The following EPHA2 variants were observed in gnomAD, a reference collection of about 807,000 sequenced individuals.
The protein encoded by EPHA2 is ephrin type-A receptor 2.
A neutral mutation model predicts 104.9 loss-of-function variants in EPHA2; 54 were observed. The observed-to-expected ratio is 0.51, with a 90% CI of 0.41 to 0.65. The LOEUF is 0.65. Ranked by LOEUF, EPHA2 falls within the 30% of genes least tolerant of loss-of-function variation. EPHA2 has a pLI of 0.00. For synonymous variants in EPHA2, 560 were observed against 559.1 expected (o/e 1.00, Z -0.02); for missense variants, 1,117 against 1,369.5 (o/e 0.82, Z 2.91).
At chr1:16,140,489 G>A (rs906657049) in intron 3 of EPHA2, among the ~76,000 whole-genome samples, 7 of 152,178 alleles carry the variant, frequency 4.6e-5, no homozygotes, top group South Asian at 2.1e-4. Flanking sequence ...ATTAGCGCTG[G>A]TTCCACTTTG....
rs184009125 is a variant in EPHA2, at chr1:16,134,717, G to A, written c.1583-150C>T. The A allele has an allele frequency of 2.4e-3, 2,180 of 918,832 alleles. 46 individuals carry two copies. The highest frequency in any genetic ancestry group is 3.9e-4 in the Non-Finnish European group (225 of 576,256). The allele number at this position is 918,832 out of a possible 1,614,324, so 56.9% of individuals were successfully genotyped here. On this transcript the variant is annotated intron_variant, in intron 7 of 16. Transcript: ENST00000358432. This position sits in a 1 kb window ranked among gnomAD's most constrained non-coding sequence, Gnocchi z 4.5. ...GGGTACTTAGTCCCATTTCATAGAC[G>A]GTCAAGCGGAGGCCTTCCCGAAGGT... is the stretch of plus-strand genomic sequence containing the variant.
At chr1:16,152,435 C>A (rs1479582509) in intron 1 of EPHA2, among the ~76,000 whole-genome samples, 1 of 150,098 alleles carries the variant, frequency 6.7e-6, no homozygotes, top group Non-Finnish European at 1.5e-5. Flanking sequence ...GCAGCCCAGA[C>A]AGGCAAGAGG....
chr1:16,133,346 C>G lies in EPHA2; in HGVS notation c.1887G>C (p.Lys629Asn). 2.5e-6 allele frequency: 4 copies of G among 1,613,854 alleles called. No homozygotes were observed. The highest frequency in any genetic ancestry group is 3.4e-6 in the Non-Finnish European group (4 of 1,179,966). Residue 629 changes from lysine (K) to asparagine (N), a missense_variant, in exon 11 of 17, where the codon AAG becomes AAC. Physicochemically the swap from Lys to Asn is moderately conservative, Grantham distance 94 (BLOSUM62 0). This residue lies in a region of EPHA2 where 113 missense variants were observed against 104.3 expected (regional missense o/e 1.08). Transcript: ENST00000358432. ...IGAGEFGEVY[K>N]GMLKTSSGKK... ...TCCCCGAGGATGTCTTCAGCATGCC[C>G]TTGTACACCTCCCCAAACTCTCCTG...
intron 1 of EPHA2, among the ~76,000 whole-genome samples, chr1:16,154,496 G>A (rs1208040733): frequency 6.6e-6 from 1 of 152,126 alleles, no homozygotes; most frequent in East Asian, 1.9e-4. Flanking sequence ...GCTCATGCCT[G>A]TAATCGCAGC....
Position 16,138,299 on chromosome 1 carries a change from C to T in EPHA2, c.955G>A (p.Asp319Asn). The T allele has an allele frequency of 1.9e-6, 3 of 1,613,568 alleles. No individual in the cohort carries two copies. Among genetic ancestry groups the T allele is most frequent in the Non-Finnish European group, 2.5e-6 (3 of 1,179,884 alleles). ...CEEGFFRAPQ[D>N]PASMPCTRPP... ...CGTGTGCAAGGCATCGACGCTGGGT[C>T]CTGAGGTGCCCGGAAGAAGCCTTCC... Residue 319 changes from aspartate to asparagine, a missense_variant, in exon 4 of 17, where the codon GAC becomes AAC. Coordinates refer to ENST00000358432, the MANE Select transcript of EPHA2 (RefSeq NM_004431.5).
chr1:16,140,928 T>A (rs2024813467), intron 3 of EPHA2, among the ~76,000 whole-genome samples: 2 of 151,664 alleles, frequency 1.3e-5, no homozygotes. Flanking sequence ...ACGGGGTGTG[T>A]CTTTGTTGCC....
intron 1 of EPHA2, 56 bp downstream of exon 1, chr1:16,155,792 G>T: frequency 7.7e-7 from 1 of 1,293,146 alleles, no homozygotes; most frequent in Non-Finnish European, 1.0e-6. Flanking sequence ...GGAGCGCCGG[G>T]CTCTAGGGGG....
intron 2 of EPHA2, among the ~76,000 whole-genome samples, chr1:16,149,814 A>G (rs572863502): frequency 3.5e-4 from 53 of 152,326 alleles, no homozygotes; most frequent in East Asian, 7.7e-4. Flanking sequence ...CTCCTCAGCC[A>G]GAGTCTGCAT....
chr1:16,148,169 C>A lies in EPHA2; in HGVS notation c.823+209G>T, dbSNP rs2024966783. On this transcript the variant is annotated intron_variant, in intron 3 of 16. Transcript: ENST00000358432. The surrounding 1 kb of genome is among the most constrained non-coding windows in gnomAD (Gnocchi z 4.9). ...GGGATTACAGGCATGAGCCACCGTGCCCAGCCACAATTCATTCATTCTTAA... is the reference window on the plus strand; with the variant it reads ...GGGATTACAGGCATGAGCCACCGTGACCAGCCACAATTCATTCATTCTTAA... Among the ~76,000 whole-genome samples the A allele has an allele frequency of 2.0e-5, 3 of 152,322 alleles. No homozygotes were observed. In the South Asian group the frequency reaches 6.2e-4, roughly 32 times the overall value.
Position 16,133,494 on chromosome 1 carries a change from C to A in EPHA2, c.1851G>T (p.Lys617Asn), listed in dbSNP as rs1219365435. The change falls in exon 10 of 17, where the codon AAG becomes AAT. Residue 617 changes from lysine (K) to asparagine (N), a missense_variant. This residue lies in a region of EPHA2 where 113 missense variants were observed against 104.3 expected (regional missense o/e 1.08). Transcript: ENST00000358432. Reference sequence around the variant, plus strand: ...GGCCAACCTCACCTGCTCCGATCACCTTCTGCCGAGTGACACAGGATGGAT... The same window carrying A: ...GGCCAACCTCACCTGCTCCGATCACATTCTGCCGAGTGACACAGGATGGAT... Reference protein sequence around the residue: ...EIHPSCVTRQKVIGAGEFGEV... With the variant: ...EIHPSCVTRQNVIGAGEFGEV... The A allele has an allele frequency of 1.2e-6, 2 of 1,614,024 alleles. No individual in the cohort carries two copies. The highest frequency in any genetic ancestry group is 3.3e-5 in the Admixed American group (2 of 60,002).
At position 16,134,030 on chromosome 1, in the gene EPHA2, G is replaced by A. The variant is rs2024632600; in HGVS notation, c.1683-115C>T. The A allele has an allele frequency of 1.8e-5, 19 of 1,046,092 alleles. No homozygotes were observed. Among genetic ancestry groups the A allele is most frequent in the Non-Finnish European group, 2.3e-5 (17 of 729,556 alleles). The allele number at this position is 1,046,092 out of a possible 1,614,324, so 64.8% of individuals were successfully genotyped here. On this transcript the variant is annotated intron_variant, in intron 8 of 16. Coordinates refer to ENST00000358432, the MANE Select transcript of EPHA2 (RefSeq NM_004431.5). The surrounding 1 kb of genome is among the most constrained non-coding windows in gnomAD (Gnocchi z 4.5). ...GAGGACCTGGGGTGCTCAGAATGCGGCCCAGTCCCCGCTTTTGCTGCCCAA... is the reference window on the plus strand; with the variant it reads ...GAGGACCTGGGGTGCTCAGAATGCGACCCAGTCCCCGCTTTTGCTGCCCAA...
intron 3 of EPHA2, among the ~76,000 whole-genome samples, chr1:16,145,239 G>A (rs1484666233): frequency 6.6e-6 from 1 of 152,172 alleles, no homozygotes; most frequent in African/African-American, 2.4e-5. Context: ...GGGGACAGCG[G>A]TCAGCCCGAG....
rs1401082138 is a variant in EPHA2, at chr1:16,135,661, G to A, written c.1422C>T (p.Arg474=). 1.9e-6 allele frequency: 3 copies of A among 1,613,778 alleles called. No individual in the cohort carries two copies. In the African/African-American group the frequency reaches 4.0e-5, roughly 22 times the overall value. Residue 474 remains arginine, a synonymous_variant, in exon 6 of 17, where the codon CGC becomes CGT. Transcript: ENST00000358432. The surrounding 1 kb of genome is among the most constrained non-coding windows in gnomAD (Gnocchi z 4.3). The stretch of plus-strand genomic sequence containing the variant: ...CCGCCCCTCTGGGAGTTACCTTCTT[G>A]CGGTAAGTGACCTCGTACTTCCACA... The part of the protein sequence containing the change: ...SRVWKYEVTY[R]KKGDSNSYNV...
chr1:16,140,356 G>C (rs1459595845), intron 3 of EPHA2, among the ~76,000 whole-genome samples: 2 of 152,226 alleles, frequency 1.3e-5, no homozygotes, highest in Non-Finnish European at 2.9e-5. Context: ...GGAGGCCCGG[G>C]ACCCGACTCC....
chr1:16,155,877 G>T lies in EPHA2; in HGVS notation c.56C>A (p.Ala19Asp). The change falls in exon 1 of 17, where the codon GCC (alanine) becomes GAC (aspartate). Residue 19 changes from alanine to aspartate, a missense_variant. Ala to Asp is a moderately radical substitution (Grantham distance 126, BLOSUM62 -2). This residue lies in a region of EPHA2 where 664 missense variants were observed against 784.8 expected (regional missense o/e 0.85). Transcript: ENST00000358432. ...CFALLWGCALAAAAAAQGKEV... is the reference protein window; with the variant it reads ...CFALLWGCALDAAAAAQGKEV... ...CTTGCCCTGCGCCGCCGCGGCCGCG[G>T]CCAGCGCACAGCCCCACAGCAGGGC... is the stretch of plus-strand genomic sequence containing the variant. The T allele has an allele frequency of 6.8e-7, 1 of 1,465,054 alleles. No individual in the cohort carries two copies. The highest frequency in any genetic ancestry group is 9.0e-7 in the Non-Finnish European group (1 of 1,115,348). The allele number at this position is 1,465,054 out of a possible 1,614,324, so 90.8% of individuals were successfully genotyped here.
Position 16,156,019 on chromosome 1 carries a change from C to G in EPHA2, c.-87G>C. 8.3e-7 allele frequency: 1 copy of G among 1,203,098 alleles called. No individual in the cohort carries two copies. Among genetic ancestry groups the G allele is most frequent in the Non-Finnish European group, 1.1e-6 (1 of 912,308 alleles). The allele number at this position is 1,203,098 out of a possible 1,614,324, so 74.5% of individuals were successfully genotyped here. A position where few individuals can be genotyped will look rare whatever the true frequency, so the allele number is the denominator to read the frequency against. Reference sequence around the variant, plus strand: ...GCACGCCGGCCTCGGTGTCCGCTCCCGCCCGCCGGCCTGCGCGCAACTTCT... The same window carrying G: ...GCACGCCGGCCTCGGTGTCCGCTCCGGCCCGCCGGCCTGCGCGCAACTTCT... On this transcript the variant is annotated 5_prime_UTR_variant, in exon 1 of 17. Coordinates refer to ENST00000358432, the MANE Select transcript of EPHA2 (RefSeq NM_004431.5).
Position 16,150,804 on chromosome 1 carries a change from G to T in EPHA2, c.153+92C>A. ...GGCTGAGCTGCTGAATTGAAGCCAGGCCCCACGCTCCCTGGGCCTCAGTTT... is the reference window on the plus strand; with the variant it reads ...GGCTGAGCTGCTGAATTGAAGCCAGTCCCCACGCTCCCTGGGCCTCAGTTT... On this transcript the variant is annotated intron_variant, in intron 2 of 16. Coordinates refer to ENST00000358432, the MANE Select transcript of EPHA2 (RefSeq NM_004431.5). This position sits in a 1 kb window ranked among gnomAD's most constrained non-coding sequence, Gnocchi z 4.8. 1 of 1,415,094 alleles carries T rather than the reference G, an allele frequency of 7.1e-7. No homozygotes were observed. Among genetic ancestry groups the T allele is most frequent in the Non-Finnish European group, 1.0e-6 (1 of 1,003,134 alleles). The allele number at this position is 1,415,094 out of a possible 1,614,324, so 87.7% of individuals were successfully genotyped here.
rs2024576926 is a variant in EPHA2, at chr1:16,131,917, C to T, written c.2326-47G>A. ...TCACCACTGTGCCCTCTGGCTGGCCCCAGGACCATTGCAGCCAAGCCCCAC... is the reference window on the plus strand; with the variant it reads ...TCACCACTGTGCCCTCTGGCTGGCCTCAGGACCATTGCAGCCAAGCCCCAC... On this transcript the variant is annotated intron_variant, in intron 13 of 16. Coordinates refer to ENST00000358432, the MANE Select transcript of EPHA2 (RefSeq NM_004431.5). The surrounding 1 kb of genome is among the most constrained non-coding windows in gnomAD (Gnocchi z 5.2). 3 of 1,606,428 alleles carry T rather than the reference C, an allele frequency of 1.9e-6. No individual in the cohort carries two copies. The highest frequency in any genetic ancestry group is 2.6e-6 in the Non-Finnish European group (3 of 1,176,214).
intron 3 of EPHA2, among the ~76,000 whole-genome samples, chr1:16,138,989 C>CTGGACAGGCAGG (rs2024773421): frequency 1.3e-5 from 2 of 152,218 alleles, no homozygotes; most frequent in South Asian, 4.1e-4. Flanking sequence ...AGGACCTGCC[C>CTGGACAGGCAGG]TCCTTTCCAT....
Sources: allele counts gnomAD v4.1 joint callset (sites outside exome capture counted in the v4.1 genomes callset), GRCh38; gene constraint gnomAD v4.1.1; regional missense constraint gnomAD v4.1.1; non-coding constraint Gnocchi (gnomAD v3.1); transcripts MANE v1.5; gene names NCBI Gene and HGNC (gene_info 2026-07-23, HGNC 2026-07-21).